The following SUSD4 variants were observed in gnomAD, a reference collection of about 807,000 sequenced individuals.
SUSD4 encodes sushi domain-containing protein 4.
In SUSD4, 41 loss-of-function variants were observed where a neutral mutation model predicts 50.5. The observed-to-expected ratio is 0.81, with a 90% confidence interval of 0.63 to 1.05. The LOEUF (loss-of-function observed/expected upper bound fraction) is 1.05. Among genes scored for constraint, SUSD4 ranks in the 50% least tolerant of loss-of-function variants. The pLI is 0.00. For missense variants in SUSD4, 580 were observed against 634.7 expected, an observed-to-expected ratio of 0.91 and a Z score of 0.93; for synonymous variants, 257 against 257.3, an observed-to-expected ratio of 1.00 and a Z score of 0.01.
intron 3 of SUSD4, among the ~76,000 whole-genome samples, chr1:223,275,782 C>T (rs958541033): frequency 3.3e-5 from 5 of 151,994 alleles, no homozygotes; most frequent in African/African-American, 1.2e-4. Flanking sequence ...CAAGGTCAGT[C>T]TGCGTGACTG....
At chr1:223,243,882 C>T (rs851212) in intron 5 of SUSD4, among the ~76,000 whole-genome samples, 145,453 of 152,350 alleles carry the variant, frequency 0.95, 69,517 homozygotes, top group East Asian at 1. Flanking sequence ...TTTGGACAAT[C>T]TGCATTTTGG....
intron 2 of SUSD4, among the ~76,000 whole-genome samples, chr1:223,333,177 T>C (rs1572080747): frequency 6.6e-6 from 1 of 152,192 alleles, no homozygotes; most frequent in East Asian, 1.9e-4. Context: ...CACCCACGGG[T>C]GCACACCCTC....
In SUSD4 at chr1:223,229,193, T is replaced by G. The variant is rs775466076; in HGVS notation, c.916+4A>C. On this transcript the variant is annotated splice_donor_region_variant and intron_variant, in intron 6 of 8. Transcript: ENST00000366878. This position sits in a 1 kb window ranked among gnomAD's most constrained non-coding sequence, Gnocchi z 4.7. Reference sequence around the variant, plus strand: ...TCCTCCAAGGGTGAGGCCTTCAGTCTTACCTGATTTGATGCAGTAGACTTG... The same window carrying G: ...TCCTCCAAGGGTGAGGCCTTCAGTCGTACCTGATTTGATGCAGTAGACTTG... The G allele has an allele frequency of 2.5e-6, 4 of 1,594,722 alleles. No individual in the cohort carries two copies. Among genetic ancestry groups the G allele is most frequent in the Non-Finnish European group, 3.4e-6 (4 of 1,163,960 alleles).
chr1:223,308,292 G>A (rs192771117), intron 2 of SUSD4, among the ~76,000 whole-genome samples: 23 of 152,192 alleles, frequency 1.5e-4, no homozygotes, highest in Admixed American at 1.2e-3. Flanking sequence ...TAGTGAGTGA[G>A]TTCTCTTGAG....
chr1:223,273,589 C>T (rs1350994809), intron 3 of SUSD4, among the ~76,000 whole-genome samples: 1 of 152,230 alleles, frequency 6.6e-6, no homozygotes, highest in Non-Finnish European at 1.5e-5. Context: ...TCCATGCTAA[C>T]ATGTGATTTA....
intron 2 of SUSD4, among the ~76,000 whole-genome samples, chr1:223,331,222 C>T (rs1002103543): frequency 1.3e-5 from 2 of 152,116 alleles, no homozygotes; most frequent in Non-Finnish European, 2.9e-5. Context: ...TGATGACTGC[C>T]AAGAATCAGA....
At chr1:223,269,066 G>A (rs971328096) in intron 3 of SUSD4, among the ~76,000 whole-genome samples, 1 of 152,226 alleles carries the variant, frequency 6.6e-6, no homozygotes, top group Non-Finnish European at 1.5e-5. Context: ...AGAACACAGT[G>A]TGGCCTGATG....
chr1:223,347,338 A>G (rs1230787466), intron 2 of SUSD4, among the ~76,000 whole-genome samples: 2 of 152,112 alleles, frequency 1.3e-5, no homozygotes, highest in Non-Finnish European at 2.9e-5. Flanking sequence ...CCCATTAACC[A>G]TCCGCACTTC....
rs115065751 is a variant in SUSD4, at chr1:223,258,274, C to T, written c.724+6356G>A. Among the ~76,000 whole-genome samples, 435 of 152,332 alleles carry T rather than the reference C, an allele frequency of 2.9e-3. 2 individuals are homozygous for T. Among genetic ancestry groups the T allele is most frequent in the African/African-American group, 9.9e-3 (411 of 41,572 alleles). On this transcript the variant is annotated intron_variant, in intron 5 of 8. Transcript: ENST00000366878. ...AGCTTGAGAGCTGGGGAGCCCTCCA[C>T]ATCCAAGCTGGCTTTGAGTTTTGAT...
intron 5 of SUSD4, among the ~76,000 whole-genome samples, chr1:223,240,166 C>G (rs941129358): frequency 6.6e-6 from 1 of 151,960 alleles, no homozygotes; most frequent in African/African-American, 2.4e-5. Flanking sequence ...TATCTTTGTT[C>G]CTCTGTAAGT....
intron 5 of SUSD4, among the ~76,000 whole-genome samples, chr1:223,260,119 C>T (rs947154069): frequency 1.3e-5 from 2 of 152,142 alleles, no homozygotes; most frequent in Non-Finnish European, 2.9e-5. Context: ...GTCCTTCTAC[C>T]CTTTCTAAAT....
At chr1:223,279,812 G>GA (rs374031523) in intron 3 of SUSD4, among the ~76,000 whole-genome samples, 2 of 151,662 alleles carry the variant, frequency 1.3e-5, no homozygotes, top group African/African-American at 4.8e-5. Context: ...TGAAATGAAG[G>GA]AAAAAATGTT....
chr1:223,295,352 C>G (rs1664751343), intron 2 of SUSD4, among the ~76,000 whole-genome samples: 1 of 152,172 alleles, frequency 6.6e-6, no homozygotes, highest in Admixed American at 6.5e-5. Context: ...CCTGGGTAAT[C>G]TGGACGTTTC....
At chr1:223,291,215 G>A (rs991253741) in intron 3 of SUSD4, among the ~76,000 whole-genome samples, 8 of 152,112 alleles carry the variant, frequency 5.3e-5, no homozygotes, top group East Asian at 1.9e-4. Context: ...TATCACGGCC[G>A]GGTGCCGTGG....
At chr1:223,349,735 T>A (rs1386786422) in intron 2 of SUSD4, among the ~76,000 whole-genome samples, 1 of 152,184 alleles carries the variant, frequency 6.6e-6, no homozygotes, top group Non-Finnish European at 1.5e-5. Flanking sequence ...AGAACTGAGC[T>A]CCGGCATCAT....
intron 3 of SUSD4, among the ~76,000 whole-genome samples, chr1:223,289,904 T>C (rs975581540): frequency 2.6e-5 from 4 of 152,194 alleles, no homozygotes; most frequent in East Asian, 1.9e-4. Flanking sequence ...AATGCTGTTG[T>C]AGGATTAATT....
At chr1:223,333,917 A>T (rs1057408082) in intron 2 of SUSD4, among the ~76,000 whole-genome samples, 1 of 152,180 alleles carries the variant, frequency 6.6e-6, no homozygotes, top group Non-Finnish European at 1.5e-5. Context: ...ATAGATGTGG[A>T]CATTAGGGAA....
chr1:223,336,185 C>T (rs1337156799), intron 2 of SUSD4, among the ~76,000 whole-genome samples: 1 of 152,084 alleles, frequency 6.6e-6, no homozygotes, highest in African/African-American at 2.4e-5. Context: ...AACTCCTGAC[C>T]TCAGATGATC....
chr1:223,278,418 T>A (rs1030034126), intron 3 of SUSD4, among the ~76,000 whole-genome samples: 4 of 152,128 alleles, frequency 2.6e-5, no homozygotes, highest in Admixed American at 2.0e-4. Flanking sequence ...GGAGATTATA[T>A]CCCACGCATG....
Sources: gnomAD v4.1 joint callset for allele counts (sites outside exome capture counted in the v4.1 genomes callset) on GRCh38, gnomAD v4.1.1 for gene constraint, Gnocchi (gnomAD v3.1) non-coding constraint, MANE v1.5 for transcripts, NCBI Gene and HGNC (gene_info 2026-07-23, HGNC 2026-07-21) for gene names.